The following STIM1 variants were observed in gnomAD, a reference collection of about 807,000 sequenced individuals.
The protein encoded by STIM1 is stromal interaction molecule 1.
Under a neutral mutation model 74.7 loss-of-function variants are expected in STIM1, and 25 were observed. The observed-to-expected ratio is 0.33, with a 90% CI of 0.24 to 0.47. STIM1 has a LOEUF of 0.47. Ranked by LOEUF, STIM1 falls within the 20% of genes least tolerant of loss-of-function variation. The pLI is 1.00. For missense variants in STIM1, 728 were observed against 920.8 expected (o/e 0.79, Z 2.71); for synonymous variants, 328 against 348.8 (o/e 0.94, Z 0.66).
intron 1 of STIM1, among the ~76,000 whole-genome samples, chr11:3,942,310 A>G (rs2093021512): frequency 6.6e-6 from 1 of 152,220 alleles, no homozygotes; most frequent in African/African-American, 2.4e-5. Flanking sequence ...AGGCAGTCTC[A>G]CTATGCATAG....
chr11:3,866,038 G>T (rs1275415451), intron 1 of STIM1, among the ~76,000 whole-genome samples: 1 of 152,124 alleles, frequency 6.6e-6, no homozygotes, highest in African/African-American at 2.4e-5. Context: ...AATAGAGAAG[G>T]TGCAGGTTCT....
In STIM1 at chr11:4,092,061, T is replaced by C. The variant is rs2094528324; in HGVS notation, c.*263T>C. ...CTCCCTCTCCACTTCAGTGCATGTC[T>C]TAGTTGCTGTTCCCTCAGCTCCCAG... On this transcript the variant is annotated 3_prime_UTR_variant, in exon 13 of 13. Coordinates refer to ENST00000526596, the MANE Select transcript of STIM1 (RefSeq NM_001382567.1). The C allele has an allele frequency of 1.9e-6, 1 of 538,386 alleles. No homozygotes were observed. The highest frequency in any genetic ancestry group is 3.1e-5 in the Admixed American group (1 of 32,392). The allele number at this position is 538,386 out of a possible 1,614,324, so 33.4% of individuals were successfully genotyped here.
At chr11:4,083,229 T>A in intron 9 of STIM1, 34 bp from the exon 10 acceptor site, 1 of 1,606,280 alleles carries the variant, frequency 6.2e-7, no homozygotes, top group African/African-American at 1.3e-5. Context: ...TCACACCAAG[T>A]CCATGCCTGC....
chr11:4,004,777 AC>A (rs1273516076), intron 2 of STIM1, among the ~76,000 whole-genome samples: 4 of 152,148 alleles, frequency 2.6e-5, no homozygotes, highest in Non-Finnish European at 4.4e-5. Context: ...AGCAAAAGAA[AC>A]TACCATCAGA....
At chr11:3,984,112 C>T (rs750109427) in intron 2 of STIM1, among the ~76,000 whole-genome samples, 9 of 152,072 alleles carry the variant, frequency 5.9e-5, no homozygotes, top group East Asian at 1.9e-4. Context: ...GTGATCCGCC[C>T]GCCTTGGCCT....
At chr11:4,002,260 C>T (rs1401047849) in intron 2 of STIM1, among the ~76,000 whole-genome samples, 2 of 151,866 alleles carry the variant, frequency 1.3e-5, no homozygotes, top group Non-Finnish European at 2.9e-5. Flanking sequence ...ACAGAACTCT[C>T]CACCCCAAAT....
intron 1 of STIM1, among the ~76,000 whole-genome samples, chr11:3,877,545 A>G (rs2091345673): frequency 2.0e-5 from 3 of 152,164 alleles, no homozygotes. Flanking sequence ...TATAGCTTTG[A>G]AAACGTGTAC....
intron 2 of STIM1, among the ~76,000 whole-genome samples, chr11:4,018,458 C>CAA (rs1157096857): frequency 0.011 from 234 of 20,512 alleles, 29 homozygotes; most frequent in Non-Finnish European, 0.024. Flanking sequence ...GACTCCGTCT[C>CAA]AAAAAAAAAA....
At position 3,990,212 on chromosome 11, in the gene STIM1, G is replaced by A. The variant is rs369964557; in HGVS notation, c.270+22530G>A. ...TTCAAGGTGCATTCATGTTGTATCAGTACTGCCTGTACATGTTCATGTATA... is the reference window on the plus strand; with the variant it reads ...TTCAAGGTGCATTCATGTTGTATCAATACTGCCTGTACATGTTCATGTATA... On this transcript the variant is annotated intron_variant, in intron 2 of 12. Transcript: ENST00000526596. Among the ~76,000 whole-genome samples, 7 of 152,264 alleles carry A rather than the reference G, an allele frequency of 4.6e-5. No individual in the cohort carries two copies. In the East Asian group the frequency reaches 9.6e-4, roughly 21 times the overall value.
intron 1 of STIM1, among the ~76,000 whole-genome samples, chr11:3,893,450 C>T (rs2091957235): frequency 6.6e-6 from 1 of 152,196 alleles, no homozygotes; most frequent in African/African-American, 2.4e-5. Context: ...AGTTCTTTGA[C>T]TGGCAGTTGA....
At chr11:4,058,187 A>G (rs893078321) in intron 4 of STIM1, among the ~76,000 whole-genome samples, 21 of 152,234 alleles carry the variant, frequency 1.4e-4, no homozygotes, top group African/African-American at 4.3e-4. Flanking sequence ...CTGATTTTAC[A>G]TAAGTTTGCA....
At chr11:3,998,990 G>A (rs1254424182) in intron 2 of STIM1, among the ~76,000 whole-genome samples, 1 of 152,204 alleles carries the variant, frequency 6.6e-6, no homozygotes, top group African/African-American at 2.4e-5. Flanking sequence ...TGTCTTTGTA[G>A]CATGAAAGCA....
chr11:3,993,236 CCA>C (rs2093632004), intron 2 of STIM1, among the ~76,000 whole-genome samples: 1 of 152,272 alleles, frequency 6.6e-6, no homozygotes, highest in East Asian at 1.9e-4. Context: ...CTCACTGTAG[CCA>C]CACTCTTTGG....
chr11:3,963,417 C>T (rs2093309064), intron 1 of STIM1, among the ~76,000 whole-genome samples: 2 of 152,138 alleles, frequency 1.3e-5, no homozygotes, highest in Non-Finnish European at 2.9e-5. Context: ...AGGACATGAT[C>T]TCGTTCTTTT....
chr11:3,921,560 A>G (rs2092718134), intron 1 of STIM1, among the ~76,000 whole-genome samples: 1 of 152,226 alleles, frequency 6.6e-6, no homozygotes, highest in Non-Finnish European at 1.5e-5. Flanking sequence ...TGTGCTCCAC[A>G]GTGGGTACTG....
intron 1 of STIM1, among the ~76,000 whole-genome samples, chr11:3,948,628 G>A (rs967714639): frequency 6.6e-6 from 1 of 152,182 alleles, no homozygotes; most frequent in Non-Finnish European, 1.5e-5. Flanking sequence ...GTATAAGCAG[G>A]TGTCAGTTGT....
chr11:4,050,837 G>A (rs917177002), intron 3 of STIM1, among the ~76,000 whole-genome samples: 5 of 152,132 alleles, frequency 3.3e-5, no homozygotes, highest in African/African-American at 1.2e-4. Flanking sequence ...ATTATATACT[G>A]TATTCTTACA....
At chr11:3,890,420 G>A (rs943241491) in intron 1 of STIM1, among the ~76,000 whole-genome samples, 1 of 152,184 alleles carries the variant, frequency 6.6e-6, no homozygotes, top group Non-Finnish European at 1.5e-5. Context: ...GAACTTTTCT[G>A]TATCACCCCT....
chr11:4,020,322 G>A (rs2093944037), intron 2 of STIM1, among the ~76,000 whole-genome samples: 2 of 152,054 alleles, frequency 1.3e-5, no homozygotes, highest in Non-Finnish European at 2.9e-5. Flanking sequence ...CCGAATAGTG[G>A]GATTTCTGGA....
Sources: allele counts gnomAD v4.1 joint callset (sites outside exome capture counted in the v4.1 genomes callset), GRCh38; gene constraint gnomAD v4.1.1; transcripts MANE v1.5; gene names NCBI Gene and HGNC (gene_info 2026-07-23, HGNC 2026-07-21).